Variants in BABAM2 observed in about 807,000 individuals in gnomAD.
The protein encoded by BABAM2 is BRISC and BRCA1 A complex member 2.
In BABAM2, 31 loss-of-function variants were observed where a neutral mutation model predicts 54.7. That is an observed-to-expected ratio of 0.57 (90% CI 0.43 to 0.77). BABAM2 has a LOEUF of 0.77. Among genes scored for constraint, BABAM2 ranks in the 30% least tolerant of loss-of-function variants. The pLI is 0.00. For missense variants in BABAM2, 364 were observed against 455.8 expected (o/e 0.80, Z 1.83); for synonymous variants, 167 against 162.9 (o/e 1.03, Z -0.19).
intron 7 of BABAM2, among the ~76,000 whole-genome samples, chr2:28,181,150 T>C (rs1233755069): frequency 6.6e-6 from 1 of 152,186 alleles, no homozygotes; most frequent in African/African-American, 2.4e-5. Flanking sequence ...TCTAAGGAGA[T>C]ACCTGTACCC....
intron 7 of BABAM2, among the ~76,000 whole-genome samples, chr2:28,198,107 G>C (rs1677812559): frequency 6.6e-6 from 1 of 152,038 alleles, no homozygotes; most frequent in Non-Finnish European, 1.5e-5. Flanking sequence ...ATGTTGACTT[G>C]GTTTGGGGTA....
intron 6 of BABAM2, among the ~76,000 whole-genome samples, chr2:28,093,192 C>T (rs982919549): frequency 6.6e-6 from 1 of 152,106 alleles, no homozygotes; most frequent in Non-Finnish European, 1.5e-5. Context: ...ATTTTTTATG[C>T]TCATCCCAAC....
At chr2:27,924,538 C>T (rs990938889) in intron 2 of BABAM2, among the ~76,000 whole-genome samples, 1 of 152,050 alleles carries the variant, frequency 6.6e-6, no homozygotes. Context: ...GCATGCACAC[C>T]ACACCTGGCT....
intron 7 of BABAM2, among the ~76,000 whole-genome samples, chr2:28,206,536 A>G (rs1403068268): frequency 6.6e-6 from 1 of 152,120 alleles, no homozygotes; most frequent in African/African-American, 2.4e-5. Context: ...TGATGATGTT[A>G]CTGACTGATG....
intron 11 of BABAM2, among the ~76,000 whole-genome samples, chr2:28,337,049 C>T (rs1168307611): frequency 1.3e-5 from 2 of 152,014 alleles, no homozygotes; most frequent in African/African-American, 2.4e-5. Flanking sequence ...GTGGGTGAGG[C>T]GATGAGACCT....
upstream of BABAM2, chr2:27,890,163 TG>T: frequency 1.7e-6 from 2 of 1,194,752 alleles, no homozygotes; most frequent in Non-Finnish European, 2.4e-6. The surrounding 1 kb of genome is among the most constrained non-coding windows in gnomAD (Gnocchi z 4.8). Context: ...TGTCTATCCC[TG>T]GAGACCCAGC....
chr2:28,258,824 TG>T (rs1253223337), intron 10 of BABAM2, among the ~76,000 whole-genome samples: 1 of 151,982 alleles, frequency 6.6e-6, no homozygotes, highest in Non-Finnish European at 1.5e-5. Context: ...TCACCCAGGC[TG>T]GAGTGCAGTG....
At chr2:28,183,739 T>TCTCTCTCACACACACACACA (rs1553336494) in intron 7 of BABAM2, among the ~76,000 whole-genome samples, 1 of 133,124 alleles carries the variant, frequency 7.5e-6, no homozygotes, top group African/African-American at 2.7e-5. Context: ...TGGATGAAGA[T>TCTCTCTCACACACACACACA]CACACACACA....
intron 11 of BABAM2, among the ~76,000 whole-genome samples, chr2:28,307,067 C>T (rs1364850582): frequency 1.8e-5 from 2 of 108,376 alleles, no homozygotes; most frequent in Admixed American, 2.4e-4. Context: ...AGTGCAGTGG[C>T]GTGATCTCGG....
intron 6 of BABAM2, among the ~76,000 whole-genome samples, chr2:28,086,788 C>T (rs1665688605): frequency 6.6e-6 from 1 of 152,180 alleles, no homozygotes; most frequent in African/African-American, 2.4e-5. Context: ...TAAAAATCGC[C>T]AGCACATCTT....
chr2:28,131,075 TATTA>T (rs1362661317), intron 7 of BABAM2, among the ~76,000 whole-genome samples: 5 of 2,556 alleles, frequency 2.0e-3, no homozygotes, highest in Admixed American at 9.0e-3. Context: ...TTATTATTAT[TATTA>T]TTTTTTTTTT....
At chr2:28,261,328 AT>A (rs70956010) in intron 10 of BABAM2, among the ~76,000 whole-genome samples, 44,960 of 136,462 alleles carry the variant, frequency 0.33, 6,599 homozygotes, top group East Asian at 0.54. Flanking sequence ...ATTACTTAGA[AT>A]TTTTTTTTTT....
intron 11 of BABAM2, chr2:28,308,437 C>A: frequency 1.9e-6 from 1 of 526,916 alleles, no homozygotes; most frequent in South Asian, 1.4e-5. Context: ...TAGAAGACAA[C>A]AACACAACTT....
intron 4 of BABAM2, among the ~76,000 whole-genome samples, chr2:28,024,887 T>A (rs936913831): frequency 1.3e-5 from 2 of 152,190 alleles, no homozygotes. Flanking sequence ...TATAAAAGAA[T>A]AAGAAACAAA....
chr2:28,286,972 T>C (rs1371899664), intron 10 of BABAM2, among the ~76,000 whole-genome samples: 2 of 152,228 alleles, frequency 1.3e-5, no homozygotes, highest in Non-Finnish European at 2.9e-5. Flanking sequence ...AGGAACTTTT[T>C]TTTTTCTTCC....
At chr2:27,935,741 T>C (rs1202911066) in intron 3 of BABAM2, among the ~76,000 whole-genome samples, 10 of 152,342 alleles carry the variant, frequency 6.6e-5, no homozygotes, top group Middle Eastern at 3.4e-3. Context: ...TGTTGTCTTA[T>C]TTTAAGAAAT....
chr2:28,088,718 G>A (rs1665896976), intron 6 of BABAM2, among the ~76,000 whole-genome samples: 1 of 152,166 alleles, frequency 6.6e-6, no homozygotes, highest in Non-Finnish European at 1.5e-5. Flanking sequence ...GCTCTCCAGG[G>A]TGATTTCAAT....
chr2:28,138,157 A>G (rs1670708732), intron 7 of BABAM2, among the ~76,000 whole-genome samples: 1 of 152,232 alleles, frequency 6.6e-6, no homozygotes, highest in South Asian at 2.1e-4. Context: ...TCTGAGATGC[A>G]AAGTGCTAGT....
intron 6 of BABAM2, among the ~76,000 whole-genome samples, chr2:28,068,563 T>A (rs1360306799): frequency 1.3e-5 from 2 of 152,156 alleles, no homozygotes; most frequent in African/African-American, 4.8e-5. Flanking sequence ...TTTGGAAAAA[T>A]AAAAACACAA....
Sources: gnomAD v4.1 joint callset for allele counts (sites outside exome capture counted in the v4.1 genomes callset) on GRCh38, gnomAD v4.1.1 for gene constraint, Gnocchi (gnomAD v3.1) non-coding constraint, MANE v1.5 for transcripts, NCBI Gene and HGNC (gene_info 2026-07-23, HGNC 2026-07-21) for gene names.